Variants in DAB1 observed in about 807,000 individuals in gnomAD.
DAB1 encodes the protein DAB adaptor protein 1, also known as disabled homolog 1.
Under a neutral mutation model 64.6 loss-of-function variants are expected in DAB1, and 15 were observed. The observed-to-expected ratio is 0.23, with a 90% CI of 0.16 to 0.36. The LOEUF (loss-of-function observed/expected upper bound fraction) is 0.36. Among genes scored for constraint, DAB1 ranks in the 10% least tolerant of loss-of-function variants. The probability of loss-of-function intolerance (pLI) is 1.00; values close to 1 mark genes in which losing one functional copy is unlikely to be tolerated. For missense variants in DAB1, 596 were observed against 706.7 expected (o/e 0.84, Z 1.78); for synonymous variants, 235 against 251.9 (o/e 0.93, Z 0.64).
intron 1 of DAB1, among the ~76,000 whole-genome samples, chr1:57,860,215 T>C (rs1248283264): frequency 1.3e-5 from 2 of 152,198 alleles, no homozygotes; most frequent in African/African-American, 4.8e-5. Flanking sequence ...AACTAACATA[T>C]GTTGAATGCC....
chr1:57,877,859 C>A lies in DAB1; in HGVS notation n.87+6140G>T, dbSNP rs199960144. 8.8e-5 allele frequency among the ~76,000 whole-genome samples: 2 copies of A among 22,782 alleles called. 1 individual carries two copies. The highest frequency in any genetic ancestry group is 1.7e-4 in the Non-Finnish European group (2 of 11,708). The allele number at this position is 22,782 out of a possible 152,430, so 14.9% of individuals were successfully genotyped here. Reference sequence around the variant, plus strand: ...GATTACAGGCGTGAGCCACCGCGCCCGGCCGATTTATTTTTTATAATTACA... The same window carrying A: ...GATTACAGGCGTGAGCCACCGCGCCAGGCCGATTTATTTTTTATAATTACA... On this transcript the variant is annotated intron_variant and non_coding_transcript_variant, in intron 1 of 1. Coordinates refer to the DAB1 transcript ENST00000477280.
At chr1:58,134,834 G>A (rs1653853318) in intron 5 of DAB1, among the ~76,000 whole-genome samples, 1 of 152,142 alleles carries the variant, frequency 6.6e-6, no homozygotes, top group Non-Finnish European at 1.5e-5. Context: ...AGATTTGGGT[G>A]GGGACACAGA....
At chr1:57,005,155 A>C (rs1413320807) in intron 14 of DAB1, among the ~76,000 whole-genome samples, 1 of 152,140 alleles carries the variant, frequency 6.6e-6, no homozygotes. Flanking sequence ...CGCTTGGTGC[A>C]TACAGAGATG....
At chr1:58,238,792 A>G (rs56392128) in intron 4 of DAB1, among the ~76,000 whole-genome samples, 2,986 of 152,288 alleles carry the variant, frequency 0.02, 37 homozygotes, top group Middle Eastern at 0.037. Flanking sequence ...GACATGCTAT[A>G]GGGTCTCACA....
chr1:57,417,988 A>G (rs1684615781), intron 1 of DAB1, among the ~76,000 whole-genome samples: 1 of 152,084 alleles, frequency 6.6e-6, no homozygotes, highest in East Asian at 1.9e-4. Context: ...AGAGTAAATT[A>G]CCACCTCCAG....
intron 11 of DAB1, among the ~76,000 whole-genome samples, chr1:57,019,423 G>T (rs1441284362): frequency 6.6e-6 from 1 of 152,092 alleles, no homozygotes; most frequent in Non-Finnish European, 1.5e-5. Flanking sequence ...CTATTAGCAT[G>T]TCTCTCTGGC....
chr1:57,097,334 G>A (rs1654253958), intron 4 of DAB1, among the ~76,000 whole-genome samples: 1 of 152,134 alleles, frequency 6.6e-6, no homozygotes, highest in African/African-American at 2.4e-5. Context: ...GGCTGGCAGG[G>A]CCACTCATGC....
At chr1:57,160,615 G>A (rs981306119) in intron 2 of DAB1, among the ~76,000 whole-genome samples, 6 of 152,132 alleles carry the variant, frequency 3.9e-5, no homozygotes, top group Non-Finnish European at 7.4e-5. Flanking sequence ...GCTGAATGAT[G>A]CACATGAAAT....
intron 3 of DAB1, among the ~76,000 whole-genome samples, chr1:58,375,920 T>C (rs991567903): frequency 8.4e-5 from 12 of 143,148 alleles, no homozygotes; most frequent in African/African-American, 2.6e-4. Flanking sequence ...GGAGACTGTA[T>C]GTGTCCAGGA....
chr1:58,262,387 C>A (rs479459), intron 4 of DAB1, among the ~76,000 whole-genome samples: 56,394 of 151,902 alleles, frequency 0.37, 10,973 homozygotes, highest in East Asian at 0.66. Context: ...GAGATCGAGA[C>A]CATCCTGGAC....
chr1:57,940,534 C>T (rs1320430647), intron 5 of DAB1, among the ~76,000 whole-genome samples: 1 of 152,186 alleles, frequency 6.6e-6, no homozygotes, highest in African/African-American at 2.4e-5. Flanking sequence ...TAGCCCAATG[C>T]ATCTCAAATT....
rs115609161 is a variant in DAB1 at position 58,276,592 on chromosome 1, G to A, written n.309+66760C>T. Among the ~76,000 whole-genome samples the A allele has an allele frequency of 1.2e-3, 190 of 152,270 alleles. 1 individual carries two copies. Among genetic ancestry groups the A allele is most frequent in the African/African-American group, 3.9e-3 (160 of 41,558 alleles). ...AAGGTGTGTGCTGAGTAGAGACAAG[G>A]TTGGCTGATGAGGCTGGAGAGAGGC... On this transcript the variant is annotated intron_variant and non_coding_transcript_variant, in intron 4 of 20. Transcript: ENST00000485760.
intron 4 of DAB1, among the ~76,000 whole-genome samples, chr1:58,197,538 C>T (rs1394576757): frequency 3.3e-5 from 5 of 151,418 alleles, no homozygotes; most frequent in Non-Finnish European, 5.9e-5. Flanking sequence ...GCTACAGGTG[C>T]GCGCCACTAC....
At chr1:57,538,233 T>G (rs1483564060) in intron 7 of DAB1, among the ~76,000 whole-genome samples, 1 of 152,318 alleles carries the variant, frequency 6.6e-6, no homozygotes, top group East Asian at 1.9e-4. Flanking sequence ...TTAGACTGGC[T>G]CCTGTTTCTA....
chr1:57,537,221 G>A (rs1180985375), intron 7 of DAB1, among the ~76,000 whole-genome samples: 9 of 152,180 alleles, frequency 5.9e-5, no homozygotes, highest in Admixed American at 3.9e-4. Flanking sequence ...ACTGGACAGA[G>A]CTGCTCTAGT....
chr1:57,114,592 A>G (rs1274877693), intron 4 of DAB1, among the ~76,000 whole-genome samples: 1 of 152,244 alleles, frequency 6.6e-6, no homozygotes, highest in Non-Finnish European at 1.5e-5. Context: ...TGCATCGATT[A>G]GCACTTCAGT....
chr1:57,264,722 C>G (rs896806512), intron 2 of DAB1, among the ~76,000 whole-genome samples: 11 of 152,298 alleles, frequency 7.2e-5, no homozygotes, highest in African/African-American at 2.4e-4. Context: ...CTCACTCACC[C>G]TGGGTCAATT....
At chr1:57,554,525 C>T (rs978345584) in intron 7 of DAB1, among the ~76,000 whole-genome samples, 13 of 152,160 alleles carry the variant, frequency 8.5e-5, no homozygotes, top group Non-Finnish European at 1.8e-4. Context: ...ACTATGGTTT[C>T]GATAAGCCTT....
chr1:57,539,652 G>A (rs1313209595), intron 7 of DAB1, among the ~76,000 whole-genome samples: 1 of 152,078 alleles, frequency 6.6e-6, no homozygotes, highest in Non-Finnish European at 1.5e-5. Flanking sequence ...ATTTTTTTCT[G>A]CCAAAGGGGG....
Sources: gnomAD v4.1 joint callset for allele counts (sites outside exome capture counted in the v4.1 genomes callset) on GRCh38, gnomAD v4.1.1 for gene constraint, MANE v1.5 for transcripts, NCBI Gene and HGNC (gene_info 2026-07-23, HGNC 2026-07-21) for gene names.